The following KLHL29 variants were observed in gnomAD, a reference collection of about 807,000 sequenced individuals.
KLHL29 encodes kelch like family member 29.
A neutral mutation model predicts 80.4 loss-of-function variants in KLHL29; 21 were observed. That is an observed-to-expected ratio of 0.26 (90% CI 0.19 to 0.38). KLHL29 has a LOEUF of 0.38. Among genes scored for constraint, KLHL29 ranks in the 10% least tolerant of loss-of-function variants. The probability of loss-of-function intolerance (pLI) is 1.00; values close to 1 mark genes in which losing one functional copy is unlikely to be tolerated. For synonymous variants in KLHL29, 511 were observed against 526.8 expected, an observed-to-expected ratio of 0.97 and a Z score of 0.41; for missense variants, 867 against 1,223.9, an observed-to-expected ratio of 0.71 and a Z score of 4.35.
chr2:23,470,238 T>TG (rs1225995755), intron 1 of KLHL29, among the ~76,000 whole-genome samples: 2 of 152,150 alleles, frequency 1.3e-5, no homozygotes, highest in Non-Finnish European at 1.5e-5. Context: ...GAAGCCTCCT[T>TG]GGGTGGCACG....
At chr2:23,427,011 A>G (rs1663023133) in intron 1 of KLHL29, among the ~76,000 whole-genome samples, 1 of 152,224 alleles carries the variant, frequency 6.6e-6, no homozygotes, top group Non-Finnish European at 1.5e-5. Context: ...GATTTGAGCC[A>G]TTAAACGATT....
At chr2:23,423,653 G>A (rs552711060) in intron 1 of KLHL29, among the ~76,000 whole-genome samples, 1 of 152,158 alleles carries the variant, frequency 6.6e-6, no homozygotes, top group African/African-American at 2.4e-5. Flanking sequence ...CAGCCTGGCG[G>A]GCGGGGGTCC....
chr2:23,664,270 G>A (rs932569484), intron 5 of KLHL29, among the ~76,000 whole-genome samples: 2 of 152,154 alleles, frequency 1.3e-5, no homozygotes, highest in Non-Finnish European at 2.9e-5. Context: ...GATGGCTCAA[G>A]GCAGCAAAGG....
chr2:23,454,151 C>T (rs924216931), intron 1 of KLHL29, among the ~76,000 whole-genome samples: 1 of 152,316 alleles, frequency 6.6e-6, no homozygotes, highest in African/African-American at 2.4e-5. Context: ...TTGAAATACA[C>T]ATTCGATTGA....
intron 1 of KLHL29, among the ~76,000 whole-genome samples, chr2:23,412,120 G>T (rs1393524940): frequency 1.6e-4 from 6 of 36,614 alleles, no homozygotes; most frequent in East Asian, 1.4e-3. Flanking sequence ...GTGTGTGCGT[G>T]AAGGGGGGGG....
At chr2:23,505,127 G>A (rs1665561848) in intron 2 of KLHL29, among the ~76,000 whole-genome samples, 1 of 152,220 alleles carries the variant, frequency 6.6e-6, no homozygotes, top group Non-Finnish European at 1.5e-5. Flanking sequence ...ATTTGACAGT[G>A]TCTCTCCCTT....
intron 3 of KLHL29, among the ~76,000 whole-genome samples, chr2:23,598,132 T>G (rs960268153): frequency 3.3e-5 from 5 of 152,204 alleles, no homozygotes; most frequent in Non-Finnish European, 7.3e-5. Flanking sequence ...AGGTTGGTAA[T>G]AAGAGGCACA....
chr2:23,547,238 C>G (rs1667001052), intron 2 of KLHL29, among the ~76,000 whole-genome samples: 1 of 152,184 alleles, frequency 6.6e-6, no homozygotes, highest in African/African-American at 2.4e-5. Flanking sequence ...GAGAAGGAGG[C>G]AAAACCAGAG....
Position 23,496,757 on chromosome 2 carries a change from TG to T in KLHL29, c.-46+21095del, listed in dbSNP as rs559807836. ...TTCCCCTGACTTCTGTGGCAATGCT[TG>T]GGGGAAAGTTATTTACTGAATGCAG... On this transcript the variant is annotated intron_variant, in intron 2 of 13. Transcript: ENST00000486442. Among the ~76,000 whole-genome samples the T allele has an allele frequency of 4.2e-3, 634 of 152,300 alleles. 1 individual carries two copies. The highest frequency in any genetic ancestry group is 7.0e-3 in the Non-Finnish European group (473 of 68,014).
At chr2:23,654,702 G>GA (rs371819926) in intron 5 of KLHL29, among the ~76,000 whole-genome samples, 1 of 114,692 alleles carries the variant, frequency 8.7e-6, no homozygotes, top group Non-Finnish European at 2.0e-5. Flanking sequence ...AGGTTGGGGG[G>GA]GGGGGGTGGA....
At chr2:23,519,547 G>A (rs150683933) in intron 2 of KLHL29, among the ~76,000 whole-genome samples, 1 of 152,128 alleles carries the variant, frequency 6.6e-6, no homozygotes, top group Non-Finnish European at 1.5e-5. Flanking sequence ...CAGAGGGAGT[G>A]TTGGCATAAA....
chr2:23,626,089 G>C (rs576549082), intron 3 of KLHL29, among the ~76,000 whole-genome samples: 1 of 152,200 alleles, frequency 6.6e-6, no homozygotes, highest in South Asian at 2.1e-4. Context: ...CATGCATGGG[G>C]GTAGGAGGAG....
intron 2 of KLHL29, chr2:23,523,967 T>C (rs1666196070): frequency 6.4e-6 from 3 of 471,510 alleles, no homozygotes; most frequent in Non-Finnish European, 1.3e-5. Context: ...AAGAGAAGAT[T>C]CCATGCGTCT....
intron 3 of KLHL29, among the ~76,000 whole-genome samples, chr2:23,607,796 T>G (rs1156860654): frequency 1.3e-5 from 2 of 152,116 alleles, no homozygotes; most frequent in Non-Finnish European, 2.9e-5. Flanking sequence ...GTGGAGCAGT[T>G]TCATCCCAGA....
At chr2:23,418,493 C>T (rs1662670669) in intron 1 of KLHL29, among the ~76,000 whole-genome samples, 2 of 152,206 alleles carry the variant, frequency 1.3e-5, no homozygotes, top group African/African-American at 4.8e-5. Flanking sequence ...TAGGCTTCAG[C>T]ATGATTTAGT....
In KLHL29 at chr2:23,696,560, G is replaced by A. The variant is rs1052955787; in HGVS notation, c.2105+47G>A. The A allele has an allele frequency of 7.0e-7, 1 of 1,423,248 alleles. No individual in the cohort carries two copies. The highest frequency in any genetic ancestry group is 9.4e-7 in the Non-Finnish European group (1 of 1,063,956). 88.2% of individuals were successfully genotyped at this position (1,423,248 alleles called of 1,614,324 possible). A position where few individuals can be genotyped will look rare whatever the true frequency, so the allele number is the denominator to read the frequency against. On this transcript the variant is annotated intron_variant, in intron 11 of 13. Transcript: ENST00000486442. This position sits in a 1 kb window ranked among gnomAD's most constrained non-coding sequence, Gnocchi z 5.5. ...CAGGGGCATGCTCTTTGCTCACCAA[G>A]AACTGAAATCACGTCACTCACTGTA...
At chr2:23,540,190 A>G (rs1416197049) in intron 2 of KLHL29, among the ~76,000 whole-genome samples, 4 of 151,942 alleles carry the variant, frequency 2.6e-5, no homozygotes, top group Non-Finnish European at 5.9e-5. Context: ...GTACCTGCCC[A>G]GCCCCCCAGA....
At chr2:23,401,774 CT>C (rs1421772258) in intron 1 of KLHL29, among the ~76,000 whole-genome samples, 3 of 152,182 alleles carry the variant, frequency 2.0e-5, no homozygotes, top group Non-Finnish European at 4.4e-5. Context: ...CTACCCTCAG[CT>C]TCCATCTCTC....
At chr2:23,570,454 C>T (rs1326858901) in intron 3 of KLHL29, among the ~76,000 whole-genome samples, 2 of 152,212 alleles carry the variant, frequency 1.3e-5, no homozygotes, top group Non-Finnish European at 2.9e-5. Flanking sequence ...TTCAGCCACC[C>T]ACGGGGTCAC....
Sources: allele counts gnomAD v4.1 joint callset (sites outside exome capture counted in the v4.1 genomes callset), GRCh38; gene constraint gnomAD v4.1.1; non-coding constraint Gnocchi (gnomAD v3.1); transcripts MANE v1.5; gene names NCBI Gene and HGNC (gene_info 2026-07-23, HGNC 2026-07-21).